The following DST variants were observed in gnomAD, a reference collection of about 807,000 sequenced individuals.
DST encodes bullous pemphigoid antigen.
A neutral mutation model predicts 875.2 loss-of-function variants in DST; 253 were observed. The ratio of observed to expected loss-of-function variants is 0.29; its 90% CI spans 0.26 to 0.32. The LOEUF (loss-of-function observed/expected upper bound fraction) is 0.32, where lower values mean the gene tolerates loss of function less well. Among genes scored for constraint, DST ranks in the 10% least tolerant of loss-of-function variants. The pLI is 1.00. For synonymous variants in DST, 3,124 were observed against 3,197.1 expected, an observed-to-expected ratio of 0.98 and a Z score of 0.77; for missense variants, 8,287 against 9,111.6, an observed-to-expected ratio of 0.91 and a Z score of 3.68.
chr6:56,630,061 A>G (rs1000094704), intron 31 of DST, among the ~76,000 whole-genome samples, 184 bp downstream of exon 31: 1 of 152,238 alleles, frequency 6.6e-6, no homozygotes, highest in African/African-American at 2.4e-5. Context: ...ACTTCAAATG[A>G]GAACTCTCCT....
At chr6:56,712,239 CTT>C (rs1436944072) in intron 5 of DST, among the ~76,000 whole-genome samples, 1 of 152,078 alleles carries the variant, frequency 6.6e-6, no homozygotes, top group Admixed American at 6.6e-5. Context: ...ATAAATCTTT[CTT>C]TAAACTCTTT....
intron 4 of DST, among the ~76,000 whole-genome samples, chr6:56,831,434 T>C (rs2099786831): frequency 6.6e-6 from 1 of 152,092 alleles, no homozygotes; most frequent in African/African-American, 2.4e-5. Flanking sequence ...AAGAAAAATC[T>C]CTGTCTGCAC....
intron 37 of DST, among the ~76,000 whole-genome samples, chr6:56,611,846 G>A (rs188241002): frequency 1.7e-4 from 26 of 152,170 alleles, no homozygotes; most frequent in African/African-American, 5.8e-4. Context: ...TACATTATAC[G>A]TTTCCTGCAT....
At chr6:56,666,947 A>G (rs115471438) in intron 10 of DST, among the ~76,000 whole-genome samples, 1,701 of 152,046 alleles carry the variant, frequency 0.011, 27 homozygotes, top group African/African-American at 0.039. Flanking sequence ...CAAATACAAC[A>G]CAGAAGTCAG....
In DST at chr6:56,569,861, T is replaced by C; in HGVS notation, c.13873A>G (p.Thr4625Ala). ...AEDLGKSLED[T>A]KKLQEKWSLK... Reference sequence around the variant, plus strand: ...ATTAGATAACAATGATTCACCTTAGTGTCTTCCAAAGATTTTCCTAAATCC... The same window carrying C: ...ATTAGATAACAATGATTCACCTTAGCGTCTTCCAAAGATTTTCCTAAATCC... Residue 4625 changes from threonine (T) to alanine (A), a missense_variant, in exon 54 of 104, where the codon ACT (threonine) becomes GCT (alanine). This residue lies in a region of DST where 1,513 missense variants were observed against 1,677.8 expected (regional missense o/e 0.90). Transcript: ENST00000680361. 1 of 1,610,550 alleles carries C rather than the reference T, an allele frequency of 6.2e-7. No individual in the cohort carries two copies.
At chr6:56,834,982 G>A (rs2099791868) in intron 4 of DST, among the ~76,000 whole-genome samples, 1 of 152,142 alleles carries the variant, frequency 6.6e-6, no homozygotes. Context: ...AAGTAAACTT[G>A]GTACTTCCAG....
At position 56,603,361 on chromosome 6, in the gene DST, T is replaced by C. The variant is rs2098463066; in HGVS notation, c.11001A>G (p.Ala3667=). The change falls in exon 42 of 104, where the codon GCA becomes GCG. Residue 3667 remains alanine, a synonymous_variant. Transcript: ENST00000680361. ...AVILRKDMKL[A]EEFLKSLPSD... ...TGGGAAGAGACTTTAAAAACTCTTC[T>C]GCCAACTTCATATCTTTTCTTAAAA... is the stretch of plus-strand genomic sequence containing the variant. The C allele has an allele frequency of 1.2e-6, 2 of 1,611,164 alleles. No homozygotes were observed. The highest frequency in any genetic ancestry group is 1.7e-6 in the Non-Finnish European group (2 of 1,179,074).
At chr6:56,678,275 A>G (rs1184370702) in intron 9 of DST, among the ~76,000 whole-genome samples, 4 of 152,206 alleles carry the variant, frequency 2.6e-5, no homozygotes, top group African/African-American at 9.6e-5. Context: ...GGATCTCATC[A>G]TCTTGAACCA....
chr6:56,595,330 C>T (rs775865603), intron 47 of DST, among the ~76,000 whole-genome samples: 12 of 152,086 alleles, frequency 7.9e-5, no homozygotes, highest in South Asian at 4.1e-4. Flanking sequence ...CATTGAGTCC[C>T]GTTTAAATGC....
intron 4 of DST, chr6:56,843,363 A>T (rs1345054764): frequency 8.5e-7 from 1 of 1,180,112 alleles, no homozygotes; most frequent in Non-Finnish European, 1.0e-6. Context: ...GGGCAGGCCG[A>T]TGGTGGGCCG....
At chr6:56,476,370 C>T in intron 91 of DST, 33 bp from the exon 92 acceptor site, 1 of 1,501,716 alleles carries the variant, frequency 6.7e-7, no homozygotes, top group Non-Finnish European at 8.9e-7. Context: ...TCTGAATTTC[C>T]TCCAACTTAG....
chr6:56,925,607 CCT>C (rs145002096), intron 2 of DST, among the ~76,000 whole-genome samples: 2,923 of 152,280 alleles, frequency 0.019, 92 homozygotes, highest in African/African-American at 0.066. Context: ...ATTCTAAATT[CCT>C]CTCTTTGTCT....
At position 56,604,147 on chromosome 6, in the gene DST, T is replaced by C; in HGVS notation, c.10481A>G (p.Tyr3494Cys). Residue 3494 changes from tyrosine (Y) to cysteine (C), a missense_variant, in exon 40 of 104, where the codon TAC (tyrosine) becomes TGC (cysteine). Physicochemically the swap from Tyr to Cys is radical, Grantham distance 194. Coordinates refer to ENST00000680361, the MANE Select transcript of DST (RefSeq NM_001374736.1). ...TGAATATCCATCAGCAAGCAGTTTGTAGAAAATATTTTCAAGCTGCAGTGG... is the reference window on the plus strand; with the variant it reads ...TGAATATCCATCAGCAAGCAGTTTGCAGAAAATATTTTCAAGCTGCAGTGG... ...VLPLQLENIF[Y>C]KLLADGYSEK... is the part of the protein sequence containing the mutation. 2 of 1,588,118 alleles carry C rather than the reference T, an allele frequency of 1.3e-6. No individual in the cohort carries two copies. Among genetic ancestry groups the C allele is most frequent in the Non-Finnish European group, 1.7e-6 (2 of 1,165,176 alleles).
intron 10 of DST, among the ~76,000 whole-genome samples, chr6:56,655,972 T>C (rs1055582155): frequency 6.6e-6 from 1 of 152,246 alleles, no homozygotes. Context: ...TCTAGCATAA[T>C]GCTTAAAACA....
chr6:56,916,568 A>T (rs991005424), intron 2 of DST, among the ~76,000 whole-genome samples: 1 of 152,070 alleles, frequency 6.6e-6, no homozygotes, highest in Non-Finnish European at 1.5e-5. Flanking sequence ...CCTGGGCAAC[A>T]TAGTGAGACC....
chr6:56,705,422 T>C (rs1288891683), intron 5 of DST, among the ~76,000 whole-genome samples: 1 of 152,164 alleles, frequency 6.6e-6, no homozygotes, highest in Non-Finnish European at 1.5e-5. Context: ...AAACTTATAA[T>C]CAAAACTATA....
At chr6:56,470,947 A>G (rs1398344328) in intron 95 of DST, among the ~76,000 whole-genome samples, 159 bp downstream of exon 95, 1 of 152,094 alleles carries the variant, frequency 6.6e-6, no homozygotes, top group African/African-American at 2.4e-5. Flanking sequence ...CAGAGCCACA[A>G]ATTTTACCAA....
chr6:56,919,946 C>CT (rs2127737040), intron 2 of DST, among the ~76,000 whole-genome samples: 1 of 152,218 alleles, frequency 6.6e-6, no homozygotes, highest in Admixed American at 6.5e-5. Context: ...CAGTGAGACT[C>CT]TGTCTCCGGG....
chr6:56,898,359 C>T (rs564051077), intron 3 of DST, among the ~76,000 whole-genome samples: 6 of 152,294 alleles, frequency 3.9e-5, no homozygotes, highest in African/African-American at 1.4e-4. Context: ...GGTTCAAAGT[C>T]ACAGAGGCAT....
Sources: gnomAD v4.1 joint callset for allele counts (sites outside exome capture counted in the v4.1 genomes callset) on GRCh38, gnomAD v4.1.1 for gene constraint, gnomAD v4.1.1 regional missense constraint, MANE v1.5 for transcripts, NCBI Gene and HGNC (gene_info 2026-07-23, HGNC 2026-07-21) for gene names.